Variants in MORC1 observed in about 807,000 individuals in gnomAD.
The protein encoded by MORC1 is MORC family CW-type zinc finger 1, also known as MORC family CW-type zinc finger protein 1.
MORC1 carries 59 observed loss-of-function variants against 134.9 expected under a neutral mutation model. The ratio of observed to expected loss-of-function variants is 0.44; its 90% confidence interval spans 0.35 to 0.54. The LOEUF (loss-of-function observed/expected upper bound fraction) is 0.54. MORC1 is among the 20% of genes least tolerant of loss of function. MORC1 has a pLI of 0.00. For missense variants in MORC1, 947 were observed against 1,134.5 expected (o/e 0.83, Z 2.37); for synonymous variants, 395 against 391.7 (o/e 1.01, Z -0.10).
At chr3:109,094,383 T>C (rs532553394) in intron 7 of MORC1, among the ~76,000 whole-genome samples, 4 of 152,314 alleles carry the variant, frequency 2.6e-5, no homozygotes, top group South Asian at 2.1e-4. Context: ...TGTGTCTAAA[T>C]CCTGGATCAA....
chr3:109,094,992 T>G lies in MORC1; in HGVS notation c.500A>C (p.Glu167Ala). The G allele has an allele frequency of 5.0e-6, 8 of 1,594,550 alleles. No homozygotes were observed. Among genetic ancestry groups the G allele is most frequent in the Non-Finnish European group, 6.8e-6 (8 of 1,174,286 alleles). Residue 167 changes from glutamate (E) to alanine (A), a missense_variant, in exon 7 of 28, where the codon GAA becomes GCA. By Grantham distance (107) the Glu-to-Ala change is moderately radical (BLOSUM62 -1). This residue lies in a region of MORC1 where 214 missense variants were observed against 281.3 expected (regional missense o/e 0.76). Transcript: ENST00000232603. Reference protein sequence around the residue: ...VTDDPQKFAMELSIIYKYSPF... With the variant: ...VTDDPQKFAMALSIIYKYSPF... ...GGAGTATTTATAAATTATAGATAAT[T>G]CCATTGCAAATTTCTGGGGATCATC... is the stretch of plus-strand genomic sequence containing the variant.
chr3:109,090,620 C>CAAAA (rs34093019), intron 8 of MORC1, among the ~76,000 whole-genome samples: 40 of 54,648 alleles, frequency 7.3e-4, no homozygotes, highest in African/African-American at 1.7e-3. Flanking sequence ...AACTCCGTCT[C>CAAAA]AAAAAAAAAA....
At chr3:108,963,690 A>C (rs1313948916) in intron 26 of MORC1, 82 bp from the exon 27 acceptor site, 5 of 957,500 alleles carry the variant, frequency 5.2e-6, no homozygotes, top group Non-Finnish European at 7.5e-6. Context: ...TTCATATTCC[A>C]ACTCTGCCTA....
At chr3:109,089,365 A>G (rs552377390) in intron 8 of MORC1, among the ~76,000 whole-genome samples, 2 of 152,266 alleles carry the variant, frequency 1.3e-5, no homozygotes, top group East Asian at 3.9e-4. Context: ...GGAATGCCAA[A>G]GTAGAATTAC....
chr3:109,009,277 C>T (rs552995149), intron 17 of MORC1, among the ~76,000 whole-genome samples: 16 of 146,052 alleles, frequency 1.1e-4, no homozygotes, highest in Admixed American at 1.0e-3. Flanking sequence ...GCAATCTCTG[C>T]TCACCGCAAC....
At chr3:108,984,826 C>A (rs777317586) in intron 22 of MORC1, 44 bp from the exon 23 acceptor site, 1 of 1,502,760 alleles carries the variant, frequency 6.7e-7, no homozygotes, top group South Asian at 1.2e-5. Context: ...GATGATCACA[C>A]AATAAACTGA....
Position 109,063,225 on chromosome 3 carries a change from A to C in MORC1, c.822T>G (p.Tyr274Ter), listed in dbSNP as rs1950121999. Residue 274 changes from tyrosine (Y) to a stop codon, truncating the protein, a stop_gained, in exon 10 of 28, where the codon TAT (tyrosine) becomes TAG (stop). Transcript: ENST00000232603. LOFTEE classifies it high-confidence loss of function. ...LCYCLYRPRK[Y>*]LYVTSSFKGA... The stretch of plus-strand genomic sequence containing the variant: ...CTTTAAAAGAAGATGTGACATAAAG[A>C]TACTTTCTGGAAAGAAACAAAAAGA... 6.3e-7 allele frequency: 1 copy of C among 1,574,970 alleles called. No individual in the cohort carries two copies. The highest frequency in any genetic ancestry group is 1.3e-5 in the African/African-American group (1 of 74,182).
intron 21 of MORC1, among the ~76,000 whole-genome samples, chr3:108,998,670 A>T (rs889747365): frequency 6.6e-6 from 1 of 152,218 alleles, no homozygotes; most frequent in African/African-American, 2.4e-5. Context: ...AAGAAAGTAC[A>T]GACAGACAAC....
intron 21 of MORC1, among the ~76,000 whole-genome samples, chr3:108,989,961 T>C (rs1177738158): frequency 6.6e-6 from 1 of 152,052 alleles, no homozygotes; most frequent in Non-Finnish European, 1.5e-5. Context: ...TGGGAGGTAA[T>C]TGAGTCATGG....
Position 109,035,482 on chromosome 3 carries a change from AAGCAGGCAAAGAATAAC to A in MORC1, c.1331-31_1331-15del. 1 of 1,417,088 alleles carries A rather than the reference AAGCAGGCAAAGAATAAC, an allele frequency of 7.1e-7. No homozygotes were observed. Among genetic ancestry groups the A allele is most frequent in the Non-Finnish European group, 9.5e-7 (1 of 1,053,100 alleles). 87.8% of individuals were successfully genotyped at this position (1,417,088 alleles called of 1,614,324 possible). On this transcript the variant is annotated splice_polypyrimidine_tract_variant and intron_variant, in intron 14 of 27. Transcript: ENST00000232603. ...AATTTCTATTATCTTTTAAAAAAAA[AAGCAGGCAAAGAATAAC>A]AAAAAAAAATCATTAAAATCAAAAC...
intron 8 of MORC1, among the ~76,000 whole-genome samples, chr3:109,092,989 T>C (rs1304500798): frequency 1.3e-5 from 2 of 152,236 alleles, no homozygotes; most frequent in Admixed American, 6.5e-5. Flanking sequence ...TGCTTCACAC[T>C]ATCCTAATGT....
At position 108,994,888 on chromosome 3, in the gene MORC1, C is replaced by T. The variant is rs530613343; in HGVS notation, c.2187+5669G>A. On this transcript the variant is annotated intron_variant, in intron 21 of 27. Coordinates refer to ENST00000232603, the MANE Select transcript of MORC1 (RefSeq NM_014429.4). ...CCAGTCACCTTTCAGAATAGATCCC[C>T]TAGGATGTTTAGTCTGTGTGGTTAC... 1.8e-4 allele frequency among the ~76,000 whole-genome samples: 28 copies of T among 152,240 alleles called. No homozygotes were observed. In the South Asian group the frequency reaches 5.6e-3, roughly 30 times the overall value.
chr3:109,012,834 T>C (rs150547546), intron 17 of MORC1, among the ~76,000 whole-genome samples: 123 of 152,316 alleles, frequency 8.1e-4, no homozygotes, highest in African/African-American at 2.8e-3. Flanking sequence ...ACATAAACTA[T>C]CAAATCTTGA....
chr3:109,093,369 G>A (rs1950766170), intron 8 of MORC1, 67 bp downstream of exon 8: 1 of 1,200,248 alleles, frequency 8.3e-7, no homozygotes, highest in Non-Finnish European at 1.2e-6. Context: ...CCTGGAGCCA[G>A]GATGCAGGGC....
In MORC1 at chr3:109,004,823, A is replaced by G. The variant is rs1179928026; in HGVS notation, c.2079T>C (p.Asn693=). The G allele has an allele frequency of 6.2e-7, 1 of 1,613,532 alleles. No homozygotes were observed. Residue 693 remains asparagine (N), a synonymous_variant, in exon 20 of 28, where the codon AAT becomes AAC. Coordinates refer to ENST00000232603, the MANE Select transcript of MORC1 (RefSeq NM_014429.4). The part of the protein sequence containing the change: ...RAQPTEGCLK[N]AQAASWEMKR... ...TTTAAAAGCCTTTTCCCACCTGGGC[A>G]TTCTTCAGGCACCCTTCAGTTGGTT...
chr3:109,011,222 A>C (rs1424565648), intron 17 of MORC1, among the ~76,000 whole-genome samples: 4 of 152,204 alleles, frequency 2.6e-5, no homozygotes, highest in African/African-American at 9.6e-5. Context: ...CTCAAAAAAC[A>C]AAAACCAAAA....
intron 17 of MORC1, among the ~76,000 whole-genome samples, chr3:109,019,902 G>A (rs911343464): frequency 1.3e-5 from 2 of 152,126 alleles, no homozygotes; most frequent in Non-Finnish European, 2.9e-5. Context: ...GGGAGAGATT[G>A]GAGAGAAGGG....
In MORC1 at chr3:108,967,321, A is replaced by G. The variant is rs150140091; in HGVS notation, c.2604+2348T>C. On this transcript the variant is annotated intron_variant, in intron 26 of 27. Coordinates refer to ENST00000232603, the MANE Select transcript of MORC1 (RefSeq NM_014429.4). Reference sequence around the variant, plus strand: ...TATATAAGCTTGGATAAACAGCTGTATGACAGTATAATTCTTAGCAAATTT... The same window carrying G: ...TATATAAGCTTGGATAAACAGCTGTGTGACAGTATAATTCTTAGCAAATTT... Among the ~76,000 whole-genome samples the G allele has an allele frequency of 3.3e-5, 5 of 152,334 alleles. No individual in the cohort carries two copies. The East Asian group carries it at 5.8e-4, about 18-fold the overall frequency.
At chr3:108,994,337 AG>A in intron 21 of MORC1, among the ~76,000 whole-genome samples, 1 of 152,162 alleles carries the variant, frequency 6.6e-6, no homozygotes, top group South Asian at 2.1e-4. Flanking sequence ...TCTGCTCTTG[AG>A]GCCAGCTGCA....
Sources: gnomAD v4.1 joint callset for allele counts (sites outside exome capture counted in the v4.1 genomes callset) on GRCh38, gnomAD v4.1.1 for gene constraint, gnomAD v4.1.1 regional missense constraint, MANE v1.5 for transcripts, NCBI Gene and HGNC (gene_info 2026-07-23, HGNC 2026-07-21) for gene names.